The following LPCAT2 variants were observed in gnomAD, a reference collection of about 807,000 sequenced individuals.
LPCAT2 encodes 1-AGP acyltransferase 11.
In LPCAT2, 58 loss-of-function variants were observed where a neutral mutation model predicts 64.7. The observed-to-expected ratio is 0.90, with a 90% CI of 0.73 to 1.12. The LOEUF (loss-of-function observed/expected upper bound fraction) is 1.12, where lower values mean the gene tolerates loss of function less well. Ranked by LOEUF, LPCAT2 falls within the 50% of genes most tolerant of loss-of-function variation. The pLI, the probability that LPCAT2 is intolerant of heterozygous loss-of-function variation, is 0.00. For missense variants in LPCAT2, 579 were observed against 669.8 expected (o/e 0.86, Z 1.50); for synonymous variants, 252 against 245.3 (o/e 1.03, Z -0.26).
chr16:55,557,126 C>T (rs1260549699), intron 11 of LPCAT2: 1 of 152,160 alleles, frequency 6.6e-6, no homozygotes, highest in East Asian at 1.9e-4. Context: ...AACTGTTCTT[C>T]AAAGCACTTT....
chr16:55,558,222 C>T (rs1963598742), intron 11 of LPCAT2, among the ~76,000 whole-genome samples: 1 of 152,232 alleles, frequency 6.6e-6, no homozygotes, highest in Admixed American at 6.5e-5. Flanking sequence ...TATGCCAGCA[C>T]ACTTGAAGGG....
At chr16:55,547,419 C>G (rs186676607) in intron 9 of LPCAT2, among the ~76,000 whole-genome samples, 4 of 152,240 alleles carry the variant, frequency 2.6e-5, no homozygotes, top group East Asian at 1.9e-4. Context: ...TTAGGAGACT[C>G]AAGTAGGAAA....
intron 11 of LPCAT2, among the ~76,000 whole-genome samples, chr16:55,552,323 A>G (rs1044693158): frequency 2.0e-5 from 3 of 152,322 alleles, no homozygotes; most frequent in Admixed American, 6.5e-5. Flanking sequence ...TAGATGTACC[A>G]TAGTTACTTT....
intron 8 of LPCAT2, chr16:55,539,126 G>A (rs1174212638): frequency 2.0e-5 from 3 of 151,748 alleles, no homozygotes; most frequent in African/African-American, 7.3e-5. Flanking sequence ...TGTATACAAA[G>A]CTGTCTTTTT....
chr16:55,578,946 G>A (rs1567408199), intron 12 of LPCAT2, 163 bp from the exon 13 acceptor site: 5 of 660,912 alleles, frequency 7.6e-6, no homozygotes, highest in Non-Finnish European at 1.3e-5. Context: ...CAAACACCAA[G>A]CTACAGGTGT....
chr16:55,551,158 A>C, intron 11 of LPCAT2, 56 bp downstream of exon 11: 1 of 1,461,004 alleles, frequency 6.8e-7, no homozygotes, highest in Non-Finnish European at 9.2e-7. Context: ...CAGTGAGTAA[A>C]TCAATATGGT....
At chr16:55,578,481 C>A (rs1310976728) in intron 12 of LPCAT2, among the ~76,000 whole-genome samples, 1 of 152,128 alleles carries the variant, frequency 6.6e-6, no homozygotes, top group Non-Finnish European at 1.5e-5. Flanking sequence ...TATTGATATG[C>A]AAGTCTTGTC....
At chr16:55,556,705 G>A (rs181176903) in intron 11 of LPCAT2, among the ~76,000 whole-genome samples, 4,231 of 152,170 alleles carry the variant, frequency 0.028, 91 homozygotes, top group East Asian at 0.12. Context: ...CCGCGATTGC[G>A]CCACTGCACT....
intron 11 of LPCAT2, chr16:55,557,038 G>T (rs1486679385): frequency 6.6e-6 from 1 of 152,180 alleles, no homozygotes; most frequent in Non-Finnish European, 1.5e-5. Flanking sequence ...TTTTATAATT[G>T]TGGGGCTTTT....
chr16:55,574,871 T>A, intron 12 of LPCAT2, 142 bp downstream of exon 12: 1 of 585,852 alleles, frequency 1.7e-6, no homozygotes, highest in Non-Finnish European at 3.0e-6. Context: ...TGTGATTAAG[T>A]CAGTTGCTAC....
intron 1 of LPCAT2, among the ~76,000 whole-genome samples, chr16:55,514,709 A>T (rs11076102): frequency 0.015 from 2,353 of 152,334 alleles, 52 homozygotes; most frequent in African/African-American, 0.05. Context: ...TAAATAGTTT[A>T]AAAAGCAGTC....
chr16:55,570,843 A>C (rs1368935125), intron 11 of LPCAT2, among the ~76,000 whole-genome samples: 1 of 152,204 alleles, frequency 6.6e-6, no homozygotes, highest in Non-Finnish European at 1.5e-5. Context: ...AGTTAAATCG[A>C]ATACTTCTTC....
rs1424567120 is a variant in LPCAT2 at position 55,584,021 on chromosome 16, A to G, written c.*923A>G. 1 of 152,174 alleles carries G rather than the reference A, an allele frequency of 6.6e-6. No homozygotes were observed. The highest frequency in any genetic ancestry group is 1.5e-5 in the Non-Finnish European group (1 of 68,030). The allele number at this position is 152,174 out of a possible 1,614,324, so 9.4% of individuals were successfully genotyped here. A position where few individuals can be genotyped will look rare whatever the true frequency, so the allele number is the denominator to read the frequency against. Reference sequence around the variant, plus strand: ...CTTAACTACTTGCTAAGGAAATCATATCCTTTTACATGAACTACAGGTTTA... The same window carrying G: ...CTTAACTACTTGCTAAGGAAATCATGTCCTTTTACATGAACTACAGGTTTA... On this transcript the variant is annotated 3_prime_UTR_variant, in exon 14 of 14. Transcript: ENST00000262134.
At position 55,549,431 on chromosome 16, in the gene LPCAT2, T is replaced by C. The variant is rs570315812; in HGVS notation, c.1061+29T>C. On this transcript the variant is annotated intron_variant, in intron 10 of 13. Coordinates refer to ENST00000262134, the MANE Select transcript of LPCAT2 (RefSeq NM_017839.5). ...AGTGTATTTTAAAATGACTACACTTTCATAAAGTTGTCCAAAAGGGATCTG... is the reference window on the plus strand; with the variant it reads ...AGTGTATTTTAAAATGACTACACTTCCATAAAGTTGTCCAAAAGGGATCTG... 1.3e-5 allele frequency: 21 copies of C among 1,563,420 alleles called. No individual in the cohort carries two copies. In the African/African-American group the frequency reaches 2.0e-4, roughly 15 times the overall value.
At position 55,580,339 on chromosome 16, in the gene LPCAT2, C is replaced by G. The variant is rs185964940; in HGVS notation, c.1450+1095C>G. 2.1e-3 allele frequency among the ~76,000 whole-genome samples: 320 copies of G among 152,246 alleles called. 1 individual carries two copies. The highest frequency in any genetic ancestry group is 7.6e-3 in the African/African-American group (314 of 41,560). On this transcript the variant is annotated intron_variant, in intron 13 of 13. Coordinates refer to ENST00000262134, the MANE Select transcript of LPCAT2 (RefSeq NM_017839.5). ...TAAATTCAAGTGTACTAATTCTTCT[C>G]TGGCTATTTTCATAAGGAAGACTAT...
In LPCAT2 at chr16:55,509,222, T is replaced by C. The variant is rs1412288134; in HGVS notation, c.41T>C (p.Val14Ala). ...CAGGCGGCGGAAGTGGCGGCCACAG[T>C]GCCAGGTGCCGGCGTCGGGAACGTG... ...CAQAAEVAATVPGAGVGNVGL... is the reference protein window; with the variant it reads ...CAQAAEVAATAPGAGVGNVGL... Residue 14 changes from valine to alanine, a missense_variant, in exon 1 of 14, where the codon GTG becomes GCG. Physicochemically the swap from Val to Ala is moderately conservative, Grantham distance 64 (BLOSUM62 0). Transcript: ENST00000262134. 1.4e-6 allele frequency: 2 copies of C among 1,448,676 alleles called. No homozygotes were observed. Among genetic ancestry groups the C allele is most frequent in the African/African-American group, 1.5e-5 (1 of 68,628 alleles). 89.7% of individuals were successfully genotyped at this position (1,448,676 alleles called of 1,614,324 possible). A position where few individuals can be genotyped will look rare whatever the true frequency, so the allele number is the denominator to read the frequency against.
chr16:55,548,223 C>T (rs1187818874), intron 9 of LPCAT2, among the ~76,000 whole-genome samples: 3 of 150,606 alleles, frequency 2.0e-5, no homozygotes, highest in Non-Finnish European at 2.9e-5. Context: ...ATCTCATGTA[C>T]TGCACCTTTT....
chr16:55,516,906 A>G (rs780831546), intron 1 of LPCAT2, among the ~76,000 whole-genome samples: 22 of 152,234 alleles, frequency 1.4e-4, no homozygotes, highest in Admixed American at 3.3e-4. Flanking sequence ...CTCAATAAAT[A>G]TAAAGTGGTT....
intron 1 of LPCAT2, among the ~76,000 whole-genome samples, chr16:55,516,310 G>T (rs1330003599): frequency 6.6e-6 from 1 of 152,048 alleles, no homozygotes; most frequent in African/African-American, 2.4e-5. Context: ...TCCCTATATT[G>T]CCCAGACTGG....
Sources: gnomAD v4.1 joint callset for allele counts (sites outside exome capture counted in the v4.1 genomes callset) on GRCh38, gnomAD v4.1.1 for gene constraint, MANE v1.5 for transcripts, NCBI Gene and HGNC (gene_info 2026-07-23, HGNC 2026-07-21) for gene names.